The following L3MBTL3 variants were observed in gnomAD, a reference collection of about 807,000 sequenced individuals.
L3MBTL3 encodes the protein lethal(3)malignant brain tumor-like protein 3.
A neutral mutation model predicts 102.3 loss-of-function variants in L3MBTL3; 27 were observed. The observed-to-expected ratio is 0.26, with a 90% CI of 0.19 to 0.36. L3MBTL3 has a LOEUF of 0.36. Among genes scored for constraint, L3MBTL3 ranks in the 10% least tolerant of loss-of-function variants. The pLI is 1.00. For missense variants in L3MBTL3, 798 were observed against 955.3 expected, an observed-to-expected ratio of 0.84 and a Z score of 2.17; for synonymous variants, 340 against 320.9, an observed-to-expected ratio of 1.06 and a Z score of -0.64.
At chr6:130,111,854 A>G (rs928309667) in intron 19 of L3MBTL3, among the ~76,000 whole-genome samples, 2 of 152,214 alleles carry the variant, frequency 1.3e-5, no homozygotes, top group African/African-American at 4.8e-5. Flanking sequence ...CCCCCTGCTC[A>G]AAACTCAATG....
At position 130,025,755 on chromosome 6, in the gene L3MBTL3, A is replaced by G. The variant is rs1337648775; in HGVS notation, c.-16+3450A>G. 2.0e-5 allele frequency among the ~76,000 whole-genome samples: 3 copies of G among 152,276 alleles called. No individual in the cohort carries two copies. In the South Asian group the frequency reaches 6.2e-4, roughly 32 times the overall value. On this transcript the variant is annotated intron_variant, in intron 2 of 22. Coordinates refer to ENST00000361794, the MANE Select transcript of L3MBTL3 (RefSeq NM_032438.4). ...CTTCTGCATTATTATTCTTTCTCCC[A>G]TATATACTGTAAATCATTGTTTTGT...
intron 19 of L3MBTL3, among the ~76,000 whole-genome samples, chr6:130,114,198 T>C (rs1340661916): frequency 6.6e-6 from 1 of 152,198 alleles, no homozygotes; most frequent in Admixed American, 6.5e-5. Context: ...GCTTAGTGTT[T>C]AGTTAAAACA....
intron 10 of L3MBTL3, 27 bp downstream of exon 10, chr6:130,060,167 T>A: frequency 5.2e-6 from 7 of 1,338,956 alleles, no homozygotes; most frequent in South Asian, 1.3e-5. Flanking sequence ...CCTTTATTTT[T>A]AAAATAAAAT....
At chr6:130,019,982 C>T (rs1299981647) in intron 1 of L3MBTL3, among the ~76,000 whole-genome samples, 3 of 84,838 alleles carry the variant, frequency 3.5e-5, no homozygotes, top group East Asian at 1.1e-3. Flanking sequence ...CGGGAGGCGG[C>T]GGCGGCGGTC....
chr6:130,041,109 C>T (rs1016406376), intron 2 of L3MBTL3, among the ~76,000 whole-genome samples: 2 of 152,144 alleles, frequency 1.3e-5, no homozygotes, highest in African/African-American at 2.4e-5. Flanking sequence ...CTCAGAGACC[C>T]TTGAGGAATG....
chr6:130,061,923 A>C lies in L3MBTL3; in HGVS notation c.864+1783A>C, dbSNP rs114999601. Among the ~76,000 whole-genome samples the C allele has an allele frequency of 1.6e-3, 241 of 152,222 alleles. 3 individuals are homozygous for C. The highest frequency in any genetic ancestry group is 5.6e-3 in the African/African-American group (233 of 41,538). On this transcript the variant is annotated intron_variant, in intron 10 of 22. Transcript: ENST00000361794. The stretch of plus-strand genomic sequence containing the variant: ...GCAGTTTAAGTGGGGAAGAAGCAGC[A>C]GTGTCAGATGCTGTGGTTGTTCTCA...
chr6:130,067,061 A>C (rs937931308), intron 11 of L3MBTL3, among the ~76,000 whole-genome samples: 1 of 152,156 alleles, frequency 6.6e-6, no homozygotes, highest in Non-Finnish European at 1.5e-5. Context: ...TTTCATGTTT[A>C]TATCAAAGTT....
At chr6:130,038,411 C>G (rs1429794059) in intron 2 of L3MBTL3, among the ~76,000 whole-genome samples, 1 of 151,946 alleles carries the variant, frequency 6.6e-6, no homozygotes, top group Non-Finnish European at 1.5e-5. Context: ...TCACCTTTCT[C>G]TGCATCCTCA....
At chr6:130,129,389 G>A (rs954790994) in intron 20 of L3MBTL3, among the ~76,000 whole-genome samples, 1 of 152,108 alleles carries the variant, frequency 6.6e-6, no homozygotes, top group Non-Finnish European at 1.5e-5. Flanking sequence ...CCATTTTAAT[G>A]TACTGTCACT....
At chr6:130,019,308 CGGCGGGGGGCGCG>C (rs1189427868) in intron 1 of L3MBTL3, 1 of 137,446 alleles carries the variant, frequency 7.3e-6, no homozygotes, top group Non-Finnish European at 1.6e-5. Flanking sequence ...CGGGGGGCGC[CGGCGGGGGGCGCG>C]GGGGCGGCCG....
intron 1 of L3MBTL3, among the ~76,000 whole-genome samples, chr6:130,018,982 AAG>A (rs754483362): frequency 6.3e-4 from 95 of 151,940 alleles, no homozygotes; most frequent in Non-Finnish European, 1.2e-3. Context: ...AGAGGAACAA[AAG>A]AGAGAGAAAA....
chr6:130,082,720 T>C (rs750938800), intron 14 of L3MBTL3, among the ~76,000 whole-genome samples: 21 of 152,336 alleles, frequency 1.4e-4, no homozygotes, highest in Non-Finnish European at 7.3e-5. Context: ...ATCTGAACAC[T>C]AAGTGTGCTT....
intron 16 of L3MBTL3, among the ~76,000 whole-genome samples, chr6:130,086,568 A>T (rs981600257): frequency 1.3e-5 from 2 of 152,114 alleles, no homozygotes; most frequent in African/African-American, 2.4e-5. Flanking sequence ...GCCCTTTTTT[A>T]AAAAAATTGA....
chr6:130,138,542 C>T (rs1027491503), intron 22 of L3MBTL3: 4 of 152,178 alleles, frequency 2.6e-5, no homozygotes, highest in African/African-American at 7.2e-5. Context: ...CCACCCTACT[C>T]CAGTGTGACC....
chr6:130,066,149 A>C (rs1562280556), intron 10 of L3MBTL3, among the ~76,000 whole-genome samples: 1 of 152,118 alleles, frequency 6.6e-6, no homozygotes, highest in Non-Finnish European at 1.5e-5. Flanking sequence ...CCAGAATGCC[A>C]CAGCTCAGCT....
intron 2 of L3MBTL3, among the ~76,000 whole-genome samples, chr6:130,029,127 A>G (rs188262786): frequency 1.8e-3 from 278 of 152,342 alleles, no homozygotes; most frequent in East Asian, 1.7e-3. Flanking sequence ...AAAACCTCCT[A>G]TAAGTAGATG....
intron 19 of L3MBTL3, among the ~76,000 whole-genome samples, chr6:130,118,148 C>T (rs1318738687): frequency 6.6e-6 from 1 of 152,064 alleles, no homozygotes; most frequent in African/African-American, 2.4e-5. Flanking sequence ...CTTCATATAT[C>T]ATACTTTATT....
intron 11 of L3MBTL3, 119 bp from the exon 12 acceptor site, chr6:130,068,211 T>C (rs1782391974): frequency 1.7e-6 from 1 of 583,054 alleles, no homozygotes; most frequent in Non-Finnish European, 3.1e-6. Flanking sequence ...AGTTAAATTT[T>C]GTTTATTTAA....
At chr6:130,082,231 T>C (rs545135066) in intron 14 of L3MBTL3, among the ~76,000 whole-genome samples, 3 of 152,234 alleles carry the variant, frequency 2.0e-5, no homozygotes, top group African/African-American at 7.2e-5. Flanking sequence ...TCTGGAGAGA[T>C]ACTTTGAGAC....
Sources: allele counts gnomAD v4.1 joint callset (sites outside exome capture counted in the v4.1 genomes callset), GRCh38; gene constraint gnomAD v4.1.1; transcripts MANE v1.5; gene names NCBI Gene and HGNC (gene_info 2026-07-23, HGNC 2026-07-21).